The following CCNO variants were observed in gnomAD, a reference collection of about 807,000 sequenced individuals.
The protein encoded by CCNO is cyclin O.
CCNO carries 24 observed loss-of-function variants against 23.9 expected under a neutral mutation model. The observed-to-expected ratio is 1.00, with a 90% CI of 0.73 to 1.41. The LOEUF (loss-of-function observed/expected upper bound fraction) is 1.41, where lower values mean the gene tolerates loss of function less well. Among genes scored for constraint, CCNO ranks in the 40% most tolerant of loss-of-function variants. The probability of loss-of-function intolerance (pLI) is 0.00; values close to 1 mark genes in which losing one functional copy is unlikely to be tolerated. For synonymous variants in CCNO, 241 were observed against 225.7 expected, an observed-to-expected ratio of 1.07 and a Z score of -0.61; for missense variants, 542 against 476.2, an observed-to-expected ratio of 1.14 and a Z score of -1.29.
chr5:55,232,860 G>C, intron 1 of CCNO: 1 of 588,418 alleles, frequency 1.7e-6, no homozygotes, highest in Non-Finnish European at 3.0e-6. Flanking sequence ...ACTTGCCCGA[G>C]TTCGGTAGGA....
rs1264603423 is a variant in CCNO at position 55,231,368 on chromosome 5, A to T, written c.*7T>A. On this transcript the variant is annotated 3_prime_UTR_variant, in exon 3 of 3. Transcript: ENST00000282572. ...GCCAGGGACTAAAAGGAAACGAAGGATCTGTTTTATTTCGAGCTCGGGGGC... is the reference window on the plus strand; with the variant it reads ...GCCAGGGACTAAAAGGAAACGAAGGTTCTGTTTTATTTCGAGCTCGGGGGC... 2.5e-6 allele frequency: 4 copies of T among 1,612,784 alleles called. No individual in the cohort carries two copies. The highest frequency in any genetic ancestry group is 1.7e-5 in the Admixed American group (1 of 59,996).
intron 2 of CCNO, 101 bp from the exon 3 acceptor site, chr5:55,231,961 G>A (rs1326618362): frequency 7.4e-7 from 1 of 1,355,522 alleles, no homozygotes; most frequent in South Asian, 1.5e-5. Context: ...CAGAGAGACA[G>A]CCGGGGCTCT....
rs778686080 is a variant in CCNO, at chr5:55,231,631, G to A, written c.797C>T (p.Ala266Val). 1 of 1,602,476 alleles carries A rather than the reference G, an allele frequency of 6.2e-7. No individual in the cohort carries two copies. Among genetic ancestry groups the A allele is most frequent in the Non-Finnish European group, 8.5e-7 (1 of 1,174,990 alleles). The change falls in exon 3 of 3, where the codon GCA becomes GTA. Residue 266 changes from alanine to valine, a missense_variant. Transcript: ENST00000282572. The stretch of plus-strand genomic sequence containing the variant: ...GGCATAGTCGGCCAGACTCAGCTCT[G>A]CCACCCCCCGCGCCAGGGCTTGCGC... Reference protein sequence around the residue: ...LEAQALARGVAELSLADYAFT... With the variant: ...LEAQALARGVVELSLADYAFT...
At chr5:55,232,304 G>A (rs1251605508) in intron 2 of CCNO, 57 bp downstream of exon 2, 2 of 1,426,042 alleles carry the variant, frequency 1.4e-6, no homozygotes, top group Middle Eastern at 1.8e-4. Flanking sequence ...AGGGAGTGGC[G>A]GGGGAGTTTG....
At position 55,231,819 on chromosome 5, in the gene CCNO, G is replaced by A. The variant is rs754602858; in HGVS notation, c.609C>T (p.Leu203=). 14 of 1,554,472 alleles carry A rather than the reference G, an allele frequency of 9.0e-6. No individual in the cohort carries two copies. The highest frequency in any genetic ancestry group is 5.8e-5 in the Admixed American group (3 of 51,756). The change falls in exon 3 of 3, where the codon CTC becomes CTT. Residue 203 remains leucine (L), a synonymous_variant. Coordinates refer to ENST00000282572, the MANE Select transcript of CCNO (RefSeq NM_021147.5). ...GCTGCCGGGAGAAGGCGCCGCAGCA[G>A]AGGGCCAGAAGCTGCTTCACGCGCG... The part of the protein sequence containing the change: ...HPPRVKQLLA[L]CCGAFSRQQL...
At position 55,233,414 on chromosome 5, in the gene CCNO, A is replaced by G. The variant is rs776989014; in HGVS notation, c.110T>C (p.Leu37Pro). Residue 37 changes from leucine to proline, a missense_variant, in exon 1 of 3, where the codon CTC (leucine) becomes CCC (proline). Leu to Pro is a moderately conservative substitution (Grantham distance 98). Transcript: ENST00000282572. Reference sequence around the variant, plus strand: ...GGGATGCAGCGGCTGCTTCCTCCGGAGGCGCGGACGCCTGCTCTTCTTCAC... The same window carrying G: ...GGGATGCAGCGGCTGCTTCCTCCGGGGGCGCGGACGCCTGCTCTTCTTCAC... ...APVKKSRRPR[L>P]RRKQPLHPLN... 9 of 1,608,664 alleles carry G rather than the reference A, an allele frequency of 5.6e-6. No individual in the cohort carries two copies. The highest frequency in any genetic ancestry group is 7.6e-6 in the Non-Finnish European group (9 of 1,178,354).
At chr5:55,233,088 A>G in intron 1 of CCNO, 55 bp downstream of exon 1, 2 of 1,510,242 alleles carry the variant, frequency 1.3e-6, no homozygotes, top group Non-Finnish European at 1.8e-6. Context: ...GAGAGGAGAG[A>G]GCCTGGGAGG....
At position 55,232,561 on chromosome 5, in the gene CCNO, G is replaced by A. The variant is rs368489305; in HGVS notation, c.382-15C>T. 4 of 1,612,808 alleles carry A rather than the reference G, an allele frequency of 2.5e-6. No homozygotes were observed. Among genetic ancestry groups the A allele is most frequent in the South Asian group, 1.1e-5 (1 of 91,056 alleles). ...TCCGCCGTCACCTGCCGGGAAGGAG[G>A]GGGGAGGCGGGCCCGCTGGGCTTAG... On this transcript the variant is annotated splice_polypyrimidine_tract_variant and intron_variant, in intron 1 of 2. Coordinates refer to ENST00000282572, the MANE Select transcript of CCNO (RefSeq NM_021147.5).
In CCNO at chr5:55,231,675, C is replaced by A. The variant is rs918901235; in HGVS notation, c.753G>T (p.Glu251Asp). ...CTTGCGCTTCCAGAGCTTCGGAGGC[C>A]TCAGCCTGCCCCGCCTCCACGCGAG... Reference protein sequence around the residue: ...THARVEAGQAEASEALEAQAL... With the variant: ...THARVEAGQADASEALEAQAL... The change falls in exon 3 of 3, where the codon GAG becomes GAT. Residue 251 changes from glutamate (E) to aspartate (D), a missense_variant. Physicochemically the swap from Glu to Asp is conservative, Grantham distance 45 (BLOSUM62 2). Coordinates refer to ENST00000282572, the MANE Select transcript of CCNO (RefSeq NM_021147.5). 4.5e-6 allele frequency: 7 copies of A among 1,559,036 alleles called. No homozygotes were observed. Among genetic ancestry groups the A allele is most frequent in the Non-Finnish European group, 8.7e-7 (1 of 1,152,012 alleles).
chr5:55,232,871 G>A, intron 1 of CCNO: 1 of 590,370 alleles, frequency 1.7e-6, no homozygotes, highest in Non-Finnish European at 3.0e-6. Flanking sequence ...TTCGGTAGGA[G>A]TCCAGACTCA....
At chr5:55,232,101 C>CAA (rs1745601501) in intron 2 of CCNO, among the ~76,000 whole-genome samples, 1 of 151,962 alleles carries the variant, frequency 6.6e-6, no homozygotes, top group Non-Finnish European at 1.5e-5. Context: ...CTAGAGGTGC[C>CAA]AAAAGAGCTA....
In CCNO at chr5:55,231,401, A is replaced by T; in HGVS notation, c.1027T>A (p.Cys343Ser). The T allele has an allele frequency of 6.2e-7, 1 of 1,614,072 alleles. No homozygotes were observed. The highest frequency in any genetic ancestry group is 1.1e-5 in the South Asian group (1 of 91,092). ...HMLPVQICEK[C>S]SLPPSSK Reference sequence around the variant, plus strand: ...TATTTCGAGCTCGGGGGCAGGCTGCACTTCTCGCAGATCTGAACGGGCAGC... The same window carrying T: ...TATTTCGAGCTCGGGGGCAGGCTGCTCTTCTCGCAGATCTGAACGGGCAGC... The change falls in exon 3 of 3, where the codon TGC (cysteine) becomes AGC (serine). Residue 343 changes from cysteine (C) to serine (S), a missense_variant. Transcript: ENST00000282572.
At chr5:55,232,316 C>A in intron 2 of CCNO, 45 bp downstream of exon 2, 1 of 1,523,950 alleles carries the variant, frequency 6.6e-7, no homozygotes, top group Admixed American at 1.8e-5. Flanking sequence ...GGGAGTTTGG[C>A]TGCGTCCCCA....
At position 55,233,154 on chromosome 5, in the gene CCNO, G is replaced by A. The variant is rs1017115994; in HGVS notation, c.370C>T (p.Arg124Trp). The change falls in exon 1 of 3, where the codon CGG (arginine) becomes TGG (tryptophan). Residue 124 changes from arginine (R) to tryptophan (W), a missense_variant. Coordinates refer to ENST00000282572, the MANE Select transcript of CCNO (RefSeq NM_021147.5). ...SHFHPREALA[R>W]QPQVTAESRC... is the part of the protein sequence containing the mutation. ...TACCAGCACCTCACTTGTGGCTGCC[G>A]TGCCAGCGCCTCCCGCGGGTGGAAG... 4.5e-6 allele frequency: 7 copies of A among 1,543,826 alleles called. No individual in the cohort carries two copies. Among genetic ancestry groups the A allele is most frequent in the Middle Eastern group, 1.8e-4 (1 of 5,640 alleles).
intron 2 of CCNO, 126 bp downstream of exon 2, chr5:55,232,235 G>C (rs1432049150): frequency 1.2e-6 from 1 of 830,990 alleles, no homozygotes; most frequent in Non-Finnish European, 2.0e-6. Context: ...GCAAATGTCT[G>C]ATAAAATGAG....
chr5:55,231,305 G>C lies in CCNO; in HGVS notation c.*70C>G, dbSNP rs560217509. ...GAAGCCTTCTCTGTGGACCAGTACTGCACTCTTCTGAGGCTACGGGAGAGG... is the reference window on the plus strand; with the variant it reads ...GAAGCCTTCTCTGTGGACCAGTACTCCACTCTTCTGAGGCTACGGGAGAGG... On this transcript the variant is annotated 3_prime_UTR_variant, in exon 3 of 3. Transcript: ENST00000282572. The C allele has an allele frequency of 6.4e-7, 1 of 1,571,776 alleles. No homozygotes were observed. Among genetic ancestry groups the C allele is most frequent in the Non-Finnish European group, 8.7e-7 (1 of 1,152,314 alleles).
In CCNO at chr5:55,232,356, G is replaced by C; in HGVS notation, c.567+5C>G. Reference sequence around the variant, plus strand: ...CCGCGTGTACCTGTTTGATACCCCAGGTACCTGTTTGCAAGCGATGAGCAA... The same window carrying C: ...CCGCGTGTACCTGTTTGATACCCCACGTACCTGTTTGCAAGCGATGAGCAA... On this transcript the variant is annotated splice_donor_5th_base_variant and intron_variant, in intron 2 of 2. Transcript: ENST00000282572. 1 of 1,613,214 alleles carries C rather than the reference G, an allele frequency of 6.2e-7. No homozygotes were observed. Among genetic ancestry groups the C allele is most frequent in the Non-Finnish European group, 8.5e-7 (1 of 1,179,764 alleles).
At position 55,231,862 on chromosome 5, in the gene CCNO, T is replaced by C; in HGVS notation, c.568-2A>G. 6.5e-7 allele frequency: 1 copy of C among 1,534,112 alleles called. No individual in the cohort carries two copies. Among genetic ancestry groups the C allele is most frequent in the Non-Finnish European group, 8.8e-7 (1 of 1,139,664 alleles). ...CACGCGCGGCGGGTGCACCTCCACC[T>C]GCAACACAGGGCGCACTCAACCCCG... On this transcript the variant is annotated splice_acceptor_variant, in intron 2 of 2. Transcript: ENST00000282572. LOFTEE classifies it high-confidence loss of function.
Position 55,233,496 on chromosome 5 carries a change from A to T in CCNO, c.28T>A (p.Ser10Thr). MVTPCPTSP[S>T]SPAARAGRRD... ...CTCCCCGCTCGGGCGGCGGGGCTCG[A>T]GGGGCTGGTGGGACAGGGGGTCACC... Residue 10 changes from serine (S) to threonine (T), a missense_variant, in exon 1 of 3, where the codon TCG becomes ACG. Physicochemically the swap from Ser to Thr is moderately conservative, Grantham distance 58. Transcript: ENST00000282572. 2 of 1,595,798 alleles carry T rather than the reference A, an allele frequency of 1.3e-6. No homozygotes were observed. Among genetic ancestry groups the T allele is most frequent in the African/African-American group, 2.7e-5 (2 of 74,614 alleles).
Sources: gnomAD v4.1 joint callset for allele counts (sites outside exome capture counted in the v4.1 genomes callset) on GRCh38, gnomAD v4.1.1 for gene constraint, MANE v1.5 for transcripts, NCBI Gene and HGNC (gene_info 2026-07-23, HGNC 2026-07-21) for gene names.